ZFPM1: variants seen among roughly 807,000 people sequenced by gnomAD.
The protein encoded by ZFPM1 is zinc finger protein ZFPM1.
Under a neutral mutation model 46.3 loss-of-function variants are expected in ZFPM1, and 28 were observed. The observed-to-expected ratio is 0.60, with a 90% CI of 0.45 to 0.83. The LOEUF is 0.83. Ranked by LOEUF, ZFPM1 falls within the 40% of genes least tolerant of loss-of-function variation. The probability of loss-of-function intolerance (pLI) is 0.00; values close to 1 mark genes in which losing one functional copy is unlikely to be tolerated. For synonymous variants in ZFPM1, 957 were observed against 675.9 expected (o/e 1.42, Z -6.45); for missense variants, 1,878 against 1,432.4 (o/e 1.31, Z -5.02).
chr16:88,477,105 T>G (rs1908724771), intron 1 of ZFPM1, among the ~76,000 whole-genome samples: 1 of 152,210 alleles, frequency 6.6e-6, no homozygotes, highest in Non-Finnish European at 1.5e-5. Flanking sequence ...CCGGCTTCCC[T>G]GCCTTCCATG....
At chr16:88,503,091 GACAGGAACCCCCACTGT>G (rs1412581422) in intron 3 of ZFPM1, among the ~76,000 whole-genome samples, 1 of 152,246 alleles carries the variant, frequency 6.6e-6, no homozygotes, top group Non-Finnish European at 1.5e-5. Flanking sequence ...GCGCCCCTGG[GACAGGAACCCCCACTGT>G]AGCACAGTGC....
chr16:88,516,561 A>T (rs1290966442), intron 4 of ZFPM1: 1 of 398,556 alleles, frequency 2.5e-6, no homozygotes, highest in Admixed American at 4.4e-5. Flanking sequence ...CTCCCCAGCG[A>T]GGCGCTATCT....
At chr16:88,487,960 G>A (rs918381831) in intron 2 of ZFPM1, among the ~76,000 whole-genome samples, 74 of 152,232 alleles carry the variant, frequency 4.9e-4, no homozygotes, top group Admixed American at 4.4e-3. Context: ...CGTCCCCGTC[G>A]GCACACGCTG....
chr16:88,518,200 G>A (rs141207978), intron 4 of ZFPM1, among the ~76,000 whole-genome samples: 1,841 of 150,134 alleles, frequency 0.012, 15 homozygotes, highest in Non-Finnish European at 0.019. Flanking sequence ...GCGAGACTCC[G>A]TCTCAAAAAA....
intron 6 of ZFPM1, among the ~76,000 whole-genome samples, chr16:88,529,887 G>A (rs1312170630): frequency 6.6e-6 from 1 of 152,194 alleles, no homozygotes; most frequent in Non-Finnish European, 1.5e-5. Flanking sequence ...CATGTTATGT[G>A]CTGGTGGGAA....
intron 1 of ZFPM1, among the ~76,000 whole-genome samples, chr16:88,466,453 G>A (rs1908139014): frequency 6.6e-6 from 1 of 152,226 alleles, no homozygotes; most frequent in African/African-American, 2.4e-5. Context: ...CTCCATCCTG[G>A]CTGGAGGTTC....
chr16:88,483,770 G>A (rs887440161), intron 1 of ZFPM1, among the ~76,000 whole-genome samples: 1 of 152,220 alleles, frequency 6.6e-6, no homozygotes, highest in Non-Finnish European at 1.5e-5. Context: ...AAAGGCATCT[G>A]CCCCTCCAGG....
chr16:88,530,219 G>C (rs1912680444), intron 6 of ZFPM1, among the ~76,000 whole-genome samples: 1 of 152,188 alleles, frequency 6.6e-6, no homozygotes, highest in Non-Finnish European at 1.5e-5. Context: ...AGACAGTGGG[G>C]ACAGCAGGCT....
chr16:88,515,561 C>T (rs1037036544), intron 4 of ZFPM1, among the ~76,000 whole-genome samples: 2 of 152,208 alleles, frequency 1.3e-5, no homozygotes, highest in African/African-American at 2.4e-5. Context: ...CCCAGGGCAC[C>T]CCTGTCTGCC....
Position 88,471,272 on chromosome 16 carries a change from C to T in ZFPM1, c.41-14667C>T, listed in dbSNP as rs1225979443. On this transcript the variant is annotated intron_variant, in intron 1 of 9. Transcript: ENST00000319555. This position sits in a 1 kb window ranked among gnomAD's most constrained non-coding sequence, Gnocchi z 4.1. ...CCTCCAGGGCTGCAGCCATGTGTGA[C>T]CTCCACCCTCGCGAAGGCCAGCGGC... Among the ~76,000 whole-genome samples, 1 of 152,266 alleles carries T rather than the reference C, an allele frequency of 6.6e-6. No individual in the cohort carries two copies. The highest frequency in any genetic ancestry group is 1.9e-4 in the East Asian group (1 of 5,198).
At position 88,453,666 on chromosome 16, in the gene ZFPM1, C is replaced by T. The variant is rs1261172100; in HGVS notation, c.28C>T (p.Arg10Trp). 2.5e-6 allele frequency: 3 copies of T among 1,201,254 alleles called. No individual in the cohort carries two copies. Among genetic ancestry groups the T allele is most frequent in the Non-Finnish European group, 3.2e-6 (3 of 949,150 alleles). 74.4% of individuals were successfully genotyped at this position (1,201,254 alleles called of 1,614,324 possible). Residue 10 changes from arginine (R) to tryptophan (W), a missense_variant, in exon 1 of 10, where the codon CGG (arginine) becomes TGG (tryptophan). Arg to Trp is a moderately radical substitution (Grantham distance 101, BLOSUM62 -3). Transcript: ENST00000319555. ...GTCCAGGCGGAAACAGAGCAACCCC[C>T]GGCAGATCAAGCGTGAGTCAAACTT... MSRRKQSNP[R>W]QIKRSLGDME...
At chr16:88,496,040 C>T (rs1026455376) in intron 3 of ZFPM1, among the ~76,000 whole-genome samples, 2 of 152,092 alleles carry the variant, frequency 1.3e-5, no homozygotes, top group African/African-American at 4.8e-5. Flanking sequence ...TCCATGTGGC[C>T]CCACGGCCAT....
Position 88,532,200 on chromosome 16 carries a change from C to G in ZFPM1, c.911C>G (p.Ala304Gly). The change falls in exon 7 of 10, where the codon GCC becomes GGC. Residue 304 changes from alanine to glycine, a missense_variant. Transcript: ENST00000319555. The stretch of plus-strand genomic sequence containing the variant: ...CAGTGCCGCAAGAGCTGCCCCAGCG[C>G]CAGCTCCCTGGAGATCCACATGCGC... Reference protein sequence around the residue: ...FPQCRKSCPSASSLEIHMRSH... With the variant: ...FPQCRKSCPSGSSLEIHMRSH... 1.2e-6 allele frequency: 2 copies of G among 1,609,750 alleles called. No homozygotes were observed. The highest frequency in any genetic ancestry group is 1.7e-6 in the Non-Finnish European group (2 of 1,177,718).
intron 6 of ZFPM1, chr16:88,530,326 G>C (rs1912690565): frequency 6.6e-6 from 1 of 152,274 alleles, no homozygotes; most frequent in Non-Finnish European, 1.5e-5. Flanking sequence ...CCCAGGCTCA[G>C]CCTCTGCCTC....
upstream of ZFPM1, among the ~76,000 whole-genome samples, chr16:88,452,132 G>A (rs1300002668): frequency 6.6e-6 from 1 of 152,170 alleles, no homozygotes; most frequent in African/African-American, 2.4e-5. Context: ...TTATGAGTAC[G>A]GGGGATGGGG....
intron 4 of ZFPM1, among the ~76,000 whole-genome samples, chr16:88,525,044 G>A (rs909963577): frequency 5.3e-5 from 8 of 152,256 alleles, no homozygotes; most frequent in South Asian, 2.1e-4. Context: ...TGGCCAGCCC[G>A]CCTGAACCTT....
intron 3 of ZFPM1, chr16:88,513,106 AG>A (rs1911069895): frequency 6.6e-6 from 1 of 152,218 alleles, no homozygotes; most frequent in African/African-American, 2.4e-5. Flanking sequence ...CAAGCCCTGC[AG>A]GGGCAGGGGA....
chr16:88,476,022 T>G (rs1304370687), intron 1 of ZFPM1, among the ~76,000 whole-genome samples: 1 of 151,924 alleles, frequency 6.6e-6, no homozygotes, highest in Non-Finnish European at 1.5e-5. Context: ...CCCCTCCCAA[T>G]GCTGGTGCCC....
chr16:88,489,640 C>T (rs1909444784), intron 3 of ZFPM1, among the ~76,000 whole-genome samples: 1 of 152,214 alleles, frequency 6.6e-6, no homozygotes, highest in Non-Finnish European at 1.5e-5. Flanking sequence ...GGGACGGAGT[C>T]CCATCCACAT....
Sources: allele counts gnomAD v4.1 joint callset (sites outside exome capture counted in the v4.1 genomes callset), GRCh38; gene constraint gnomAD v4.1.1; non-coding constraint Gnocchi (gnomAD v3.1); transcripts MANE v1.5; gene names NCBI Gene and HGNC (gene_info 2026-07-23, HGNC 2026-07-21).